Variants in LDAF1 observed in about 807,000 individuals in gnomAD.
LDAF1 encodes PROMETHIN.
Under a neutral mutation model 13.5 loss-of-function variants are expected in LDAF1, and 7 were observed. The observed-to-expected ratio is 0.52, with a 90% CI of 0.29 to 0.97. The LOEUF (loss-of-function observed/expected upper bound fraction) is 0.97, where lower values mean the gene tolerates loss of function less well. Among genes scored for constraint, LDAF1 ranks in the 50% least tolerant of loss-of-function variants. The pLI, the probability that LDAF1 is intolerant of heterozygous loss-of-function variation, is 0.07. For missense variants in LDAF1, 148 were observed against 193.2 expected, an observed-to-expected ratio of 0.77 and a Z score of 1.39; for synonymous variants, 69 against 77.1, an observed-to-expected ratio of 0.89 and a Z score of 0.55.
chr16:21,163,638 CTA>C (rs762275867), intron 2 of LDAF1, among the ~76,000 whole-genome samples: 7 of 152,126 alleles, frequency 4.6e-5, no homozygotes, highest in Non-Finnish European at 1.0e-4. Context: ...GAGCAAGACT[CTA>C]TCTCAGACAA....
chr16:21,160,112 T>C, intron 1 of LDAF1: 1 of 286,212 alleles, frequency 3.5e-6, no homozygotes, highest in Non-Finnish European at 5.2e-6. Flanking sequence ...CCCTATATGA[T>C]AAATAAATGT....
intron 3 of LDAF1, among the ~76,000 whole-genome samples, chr16:21,172,243 C>T (rs773981308): frequency 2.0e-5 from 3 of 150,932 alleles, no homozygotes; most frequent in Non-Finnish European, 3.0e-5. Flanking sequence ...GTCAGGAGTT[C>T]GCGACCAGCC....
chr16:21,178,469 G>A, intron 4 of LDAF1: 13 of 884,162 alleles, frequency 1.5e-5, no homozygotes, highest in Non-Finnish European at 1.8e-5. Context: ...AAACACACAG[G>A]GAACTTTTTT....
At chr16:21,167,044 A>T (rs1597541320) in intron 2 of LDAF1, 1 of 810,784 alleles carries the variant, frequency 1.2e-6, no homozygotes, top group South Asian at 1.7e-5. Flanking sequence ...CCTGGCAGGG[A>T]GTGAAATTGG....
chr16:21,159,337 C>T (rs758012502), intron 1 of LDAF1: 14 of 1,614,136 alleles, frequency 8.7e-6, no homozygotes, highest in East Asian at 2.2e-5. Context: ...GCATTTCACT[C>T]CCTTCCTCCT....
Position 21,178,432 on chromosome 16 carries a change from GA to G in LDAF1, c.405-1036del. ...AGGAATGGTTTAGGTGGCAAATAAT[GA>G]AAAAAACCAAAGTAGATACTAGTTT... On this transcript the variant is annotated intron_variant, in intron 4 of 4. Coordinates refer to ENST00000233047, the MANE Select transcript of LDAF1 (RefSeq NM_001301771.2). The G allele has an allele frequency of 4.1e-6, 4 of 975,624 alleles. No individual in the cohort carries two copies. In the South Asian group the frequency reaches 1.4e-4, roughly 35 times the overall value. The allele number at this position is 975,624 out of a possible 1,614,324, so 60.4% of individuals were successfully genotyped here.
rs1019988977 is a variant in LDAF1, at chr16:21,179,768, C to T, written c.*212C>T. On this transcript the variant is annotated 3_prime_UTR_variant, in exon 5 of 5. Coordinates refer to ENST00000233047, the MANE Select transcript of LDAF1 (RefSeq NM_001301771.2). ...CATGTAAAGAAGCAGCAGAGAAATG[C>T]GATGGTTCAACAGCTCGCCCTGCCC... 39 of 521,328 alleles carry T rather than the reference C, an allele frequency of 7.5e-5. No individual in the cohort carries two copies. Among genetic ancestry groups the T allele is most frequent in the Non-Finnish European group, 1.2e-4 (35 of 291,372 alleles). 32.3% of individuals were successfully genotyped at this position (521,328 alleles called of 1,614,324 possible). A position where few individuals can be genotyped will look rare whatever the true frequency, so the allele number is the denominator to read the frequency against.
At chr16:21,178,083 GA>G in intron 4 of LDAF1, 1 of 517,154 alleles carries the variant, frequency 1.9e-6, no homozygotes, top group Non-Finnish European at 2.5e-6. Context: ...AAAAAGAAAA[GA>G]AAAAGGAAAC....
At chr16:21,166,539 A>T (rs1174346861) in intron 2 of LDAF1, among the ~76,000 whole-genome samples, 1 of 152,152 alleles carries the variant, frequency 6.6e-6, no homozygotes, top group African/African-American at 2.4e-5. Context: ...CAGCCCGGGG[A>T]TAAGCTAGCA....
At chr16:21,176,735 A>G (rs2093141700) in intron 4 of LDAF1, among the ~76,000 whole-genome samples, 2 of 151,896 alleles carry the variant, frequency 1.3e-5, no homozygotes, top group Middle Eastern at 3.4e-3. Context: ...AACATAACAT[A>G]AATTACATTA....
In LDAF1 at chr16:21,168,709, TTA is replaced by T. The variant is rs1202941411; in HGVS notation, c.97-1718_97-1717del. On this transcript the variant is annotated intron_variant, in intron 2 of 4. Transcript: ENST00000233047. ...ATTACAATTATATTTTTATATATAA[TTA>T]TATATATATTTTTAATATTATATTA... Among the ~76,000 whole-genome samples the T allele has an allele frequency of 1.9e-3, 250 of 130,304 alleles. 1 individual carries two copies. In the East Asian group the frequency reaches 0.028, roughly 14 times the overall value. The allele number at this position is 130,304 out of a possible 152,430, so 85.5% of individuals were successfully genotyped here.
rs538916958 is a variant in LDAF1, at chr16:21,175,994, G to A, written c.404+1846G>A. 5.3e-5 allele frequency among the ~76,000 whole-genome samples: 8 copies of A among 152,174 alleles called. 1 individual carries two copies. Among genetic ancestry groups the A allele is most frequent in the Admixed American group, 3.9e-4 (6 of 15,252 alleles). On this transcript the variant is annotated intron_variant, in intron 4 of 4. Transcript: ENST00000233047. ...TCCTGGCTTCAAGCAATCCTCCCCC[G>A]TTGGCCTCTCAATGAACTGGAATTA...
Position 21,179,783 on chromosome 16 carries a change from T to G in LDAF1, c.*227T>G. 2.1e-6 allele frequency: 1 copy of G among 486,072 alleles called. No individual in the cohort carries two copies. The highest frequency in any genetic ancestry group is 3.8e-5 in the East Asian group (1 of 26,062). The allele number at this position is 486,072 out of a possible 1,614,324, so 30.1% of individuals were successfully genotyped here. On this transcript the variant is annotated 3_prime_UTR_variant, in exon 5 of 5. Transcript: ENST00000233047. ...CAGAGAAATGCGATGGTTCAACAGC[T>G]CGCCCTGCCCCAAGTATGCAGACTT...
chr16:21,164,538 A>G (rs575655545), intron 2 of LDAF1, among the ~76,000 whole-genome samples: 3 of 152,358 alleles, frequency 2.0e-5, no homozygotes, highest in Non-Finnish European at 4.4e-5. Flanking sequence ...GAAGTGAGCC[A>G]CCATGCCCAG....
Position 21,179,557 on chromosome 16 carries a change from GTGAC to G in LDAF1, c.*4_*7del. On this transcript the variant is annotated 3_prime_UTR_variant, in exon 5 of 5. Coordinates refer to ENST00000233047, the MANE Select transcript of LDAF1 (RefSeq NM_001301771.2). Reference sequence around the variant, plus strand: ...ATTCGAGGGGCTTTACCAGGAATGAGTGACTGCTCAGAGGCCGGGCTTCTTTTCA... The same window carrying G: ...ATTCGAGGGGCTTTACCAGGAATGAGTGCTCAGAGGCCGGGCTTCTTTTCA... 3 of 1,613,594 alleles carry G rather than the reference GTGAC, an allele frequency of 1.9e-6. No individual in the cohort carries two copies. The highest frequency in any genetic ancestry group is 2.5e-6 in the Non-Finnish European group (3 of 1,179,508).
rs188997413 is a variant in LDAF1, at chr16:21,168,627, T to C, written c.97-1810T>C. On this transcript the variant is annotated intron_variant, in intron 2 of 4. Transcript: ENST00000233047. The stretch of plus-strand genomic sequence containing the variant: ...GCTATATGAATATTGATAACTAATA[T>C]TAGTATAATATATCTAATATAATTA... Among the ~76,000 whole-genome samples, 780 of 141,678 alleles carry C rather than the reference T, an allele frequency of 5.5e-3. 2 individuals carry two copies. Among genetic ancestry groups the C allele is most frequent in the Non-Finnish European group, 9.1e-3 (603 of 66,066 alleles). The allele number at this position is 141,678 out of a possible 152,430, so 92.9% of individuals were successfully genotyped here. A position where few individuals can be genotyped will look rare whatever the true frequency, so the allele number is the denominator to read the frequency against.
intron 4 of LDAF1, chr16:21,178,488 T>G (rs2093158533): frequency 5.5e-6 from 4 of 725,116 alleles, no homozygotes; most frequent in Non-Finnish European, 6.7e-6. Context: ...TTTTATTGCT[T>G]AATGAAAAAC....
intron 3 of LDAF1, chr16:21,172,825 A>G (rs978346202): frequency 1.9e-5 from 19 of 985,288 alleles, no homozygotes; most frequent in Non-Finnish European, 2.3e-5. Flanking sequence ...ATGAACAGGC[A>G]GCACACCTGT....
At position 21,179,594 on chromosome 16, in the gene LDAF1, C is replaced by T; in HGVS notation, c.*38C>T. 1 of 1,561,920 alleles carries T rather than the reference C, an allele frequency of 6.4e-7. No individual in the cohort carries two copies. On this transcript the variant is annotated 3_prime_UTR_variant, in exon 5 of 5. Coordinates refer to ENST00000233047, the MANE Select transcript of LDAF1 (RefSeq NM_001301771.2). ...AGGCCGGGCTTCTTTTCAAGTACTG[C>T]TGGATCATACTCACCCCTTGGGATT...
Sources: allele counts gnomAD v4.1 joint callset (sites outside exome capture counted in the v4.1 genomes callset), GRCh38; gene constraint gnomAD v4.1.1; transcripts MANE v1.5; gene names NCBI Gene and HGNC (gene_info 2026-07-23, HGNC 2026-07-21).